ODR4: variants seen among roughly 807,000 people sequenced by gnomAD.
ODR4 encodes the protein protein odr-4 homolog.
ODR4 carries 47 observed loss-of-function variants against 60.2 expected under a neutral mutation model. The ratio of observed to expected loss-of-function variants is 0.78; its 90% CI spans 0.62 to 1.00. ODR4 has a LOEUF of 1.00. Ranked by LOEUF, ODR4 falls within the 50% of genes least tolerant of loss-of-function variation. ODR4 has a pLI of 0.00. For missense variants in ODR4, 488 were observed against 530.8 expected (o/e 0.92, Z 0.79); for synonymous variants, 178 against 175.5 (o/e 1.01, Z -0.11).
At chr1:186,378,056 A>AC (rs1558054296) in intron 1 of ODR4, among the ~76,000 whole-genome samples, 2 of 151,368 alleles carry the variant, frequency 1.3e-5, no homozygotes, top group Non-Finnish European at 3.0e-5. Flanking sequence ...AAAAACAAAA[A>AC]AAAAAAAGAG....
downstream of ODR4, among the ~76,000 whole-genome samples, chr1:186,423,814 C>G (rs2102109554): frequency 6.6e-6 from 1 of 152,192 alleles, no homozygotes; most frequent in African/African-American, 2.4e-5. Flanking sequence ...CAGGTATTTT[C>G]AGAGGATATG....
intron 11 of ODR4, among the ~76,000 whole-genome samples, chr1:186,399,843 T>A (rs925874855): frequency 6.6e-6 from 1 of 152,128 alleles, no homozygotes; most frequent in Non-Finnish European, 1.5e-5. Context: ...ATCTTACCCA[T>A]TAATAACGAT....
At chr1:186,402,222 C>CTTTCTTTCTTTG (rs1340984452) in intron 11 of ODR4, among the ~76,000 whole-genome samples, 1 of 149,348 alleles carries the variant, frequency 6.7e-6, no homozygotes, top group Non-Finnish European at 1.5e-5. Flanking sequence ...TTCTTTCTTT[C>CTTTCTTTCTTTG]TTTCTTTCTT....
the ODR4 span, among the ~76,000 whole-genome samples, chr1:186,428,333 T>G: frequency 2.6e-5 from 4 of 152,322 alleles, no homozygotes; most frequent in African/African-American, 9.6e-5. Flanking sequence ...TTGAGATAGC[T>G]TCTCTCCTTA....
At position 186,419,565 on chromosome 1, in the gene ODR4, T is replaced by G. The variant is rs1449966551; in HGVS notation, c.*489T>G. 6.5e-6 allele frequency: 1 copy of G among 154,448 alleles called. No homozygotes were observed. The highest frequency in any genetic ancestry group is 1.4e-5 in the Non-Finnish European group (1 of 69,754). The allele number at this position is 154,448 out of a possible 1,614,324, so 9.6% of individuals were successfully genotyped here. On this transcript the variant is annotated 3_prime_UTR_variant, in exon 14 of 14. Coordinates refer to ENST00000287859, the MANE Select transcript of ODR4 (RefSeq NM_017847.6). ...TGTCTCTACTGGAAAAAAAAAAAAT[T>G]AGCTGGACATGGTGGCAATCAGCTC...
intron 9 of ODR4, among the ~76,000 whole-genome samples, chr1:186,397,813 T>TGG (rs1324702456): frequency 2.0e-5 from 3 of 152,350 alleles, no homozygotes; most frequent in Middle Eastern, 3.4e-3. Flanking sequence ...CTAAAGAGGA[T>TGG]GGGACTAGTC....
chr1:186,393,063 T>A (rs1237459883), intron 8 of ODR4, among the ~76,000 whole-genome samples: 1 of 152,014 alleles, frequency 6.6e-6, no homozygotes, highest in African/African-American at 2.4e-5. Context: ...CCAAATACCG[T>A]ATGTTCTGAC....
At chr1:186,382,571 T>C (rs1219274302) in intron 2 of ODR4, among the ~76,000 whole-genome samples, 1 of 152,250 alleles carries the variant, frequency 6.6e-6, no homozygotes, top group African/African-American at 2.4e-5. Flanking sequence ...AGTTCCCTAC[T>C]GTCATCATTT....
intron 11 of ODR4, among the ~76,000 whole-genome samples, chr1:186,400,269 C>T (rs1660883758): frequency 6.6e-6 from 1 of 151,220 alleles, no homozygotes; most frequent in Admixed American, 6.6e-5. Context: ...GGATTACAGG[C>T]ATGAGCCACC....
intron 8 of ODR4, among the ~76,000 whole-genome samples, chr1:186,393,646 G>A (rs993765981): frequency 6.6e-6 from 1 of 152,218 alleles, no homozygotes; most frequent in Non-Finnish European, 1.5e-5. Context: ...ATAAGTGAAT[G>A]ATCCTGGTTG....
Position 186,420,031 on chromosome 1 carries a change from A to G in ODR4, c.*955A>G, listed in dbSNP as rs1382889953. ...ATTAAGACTTTTGCTTCCAGCAAGT[A>G]TGTTAGACTAGATATTATAAAACAA... On this transcript the variant is annotated 3_prime_UTR_variant, in exon 14 of 14. Transcript: ENST00000287859. 4 of 152,222 alleles carry G rather than the reference A, an allele frequency of 2.6e-5. No individual in the cohort carries two copies. Among genetic ancestry groups the G allele is most frequent in the African/African-American group, 7.2e-5 (3 of 41,458 alleles). The allele number at this position is 152,222 out of a possible 1,614,324, so 9.4% of individuals were successfully genotyped here.
At chr1:186,422,425 T>G (rs1352271893), downstream of ODR4, among the ~76,000 whole-genome samples, 1 of 152,304 alleles carries the variant, frequency 6.6e-6, no homozygotes, top group South Asian at 2.1e-4. Context: ...GTGAAAGCAT[T>G]TTAATGTAAT....
intron 8 of ODR4, 116 bp from the exon 9 acceptor site, chr1:186,393,831 T>A: frequency 1.6e-6 from 1 of 633,472 alleles, no homozygotes; most frequent in Non-Finnish European, 2.8e-6. Flanking sequence ...TAAATTAAAA[T>A]AATTAAAAGA....
intron 9 of ODR4, among the ~76,000 whole-genome samples, chr1:186,396,097 A>C (rs1660659580): frequency 6.6e-6 from 1 of 152,160 alleles, no homozygotes; most frequent in Non-Finnish European, 1.5e-5. Context: ...ATCTAGCCCA[A>C]ATGCCACTAC....
At chr1:186,429,860 T>C in the ODR4 span, among the ~76,000 whole-genome samples, 1 of 152,174 alleles carries the variant, frequency 6.6e-6, no homozygotes, top group African/African-American at 2.4e-5. Context: ...AAATATCAAG[T>C]CTGTTAATGA....
intron 9 of ODR4, among the ~76,000 whole-genome samples, chr1:186,394,612 G>GTTT (rs1467521480): frequency 6.6e-6 from 1 of 152,090 alleles, no homozygotes; most frequent in Non-Finnish European, 1.5e-5. Flanking sequence ...ACAGACAAGG[G>GTTT]TATAAAATAG....
At chr1:186,434,652 C>A in the ODR4 span, among the ~76,000 whole-genome samples, 1 of 152,006 alleles carries the variant, frequency 6.6e-6, no homozygotes, top group Non-Finnish European at 1.5e-5. Context: ...CAATGATTGG[C>A]AAAAATGACA....
At chr1:186,378,685 CCTT>C (rs1659893308) in intron 1 of ODR4, among the ~76,000 whole-genome samples, 1 of 152,160 alleles carries the variant, frequency 6.6e-6, no homozygotes. Flanking sequence ...TTAAGTCCCT[CCTT>C]TGCCACTTAC....
chr1:186,379,483 A>C (rs1178796800), intron 1 of ODR4, among the ~76,000 whole-genome samples: 1 of 134,856 alleles, frequency 7.4e-6, no homozygotes. Context: ...TGTGTTGCTT[A>C]CTAGTTTAGT....
Sources: allele counts gnomAD v4.1 joint callset (sites outside exome capture counted in the v4.1 genomes callset), GRCh38; gene constraint gnomAD v4.1.1; transcripts MANE v1.5; gene names NCBI Gene and HGNC (gene_info 2026-07-23, HGNC 2026-07-21).